Variants in ANKRD11 observed in about 807,000 individuals in gnomAD.
The protein encoded by ANKRD11 is ankyrin repeat domain-containing protein 11.
ANKRD11 carries 17 observed loss-of-function variants against 195.7 expected under a neutral mutation model. That is an observed-to-expected ratio of 0.09 (90% CI 0.06 to 0.13). The LOEUF is 0.13. Among genes scored for constraint, ANKRD11 ranks in the 10% least tolerant of loss-of-function variants. The pLI, the probability that ANKRD11 is intolerant of heterozygous loss-of-function variation, is 1.00. For missense variants in ANKRD11, 3,735 were observed against 3,566.1 expected, an observed-to-expected ratio of 1.05 and a Z score of -1.21; for synonymous variants, 1,953 against 1,528.1, an observed-to-expected ratio of 1.28 and a Z score of -6.49.
intron 1 of ANKRD11, among the ~76,000 whole-genome samples, chr16:89,465,611 T>C (rs1386112429): frequency 6.6e-6 from 1 of 152,210 alleles, no homozygotes; most frequent in Non-Finnish European, 1.5e-5. Context: ...GTCGCTTCTG[T>C]GTGTCCACCA....
rs528289650 is a variant in ANKRD11, at chr16:89,299,236, C to A, written c.226+5970G>T. On this transcript the variant is annotated intron_variant, in intron 4 of 12. Transcript: ENST00000301030. ...GGAGATAGTGTGGAAGTGACTGTGGCTCTGGTCCTGCCTGGGAGGAGATCT... is the reference window on the plus strand; with the variant it reads ...GGAGATAGTGTGGAAGTGACTGTGGATCTGGTCCTGCCTGGGAGGAGATCT... 3.4e-5 allele frequency: 6 copies of A among 174,438 alleles called. No homozygotes were observed. In the South Asian group the frequency reaches 6.0e-4, roughly 17 times the overall value. The allele number at this position is 174,438 out of a possible 1,614,324, so 10.8% of individuals were successfully genotyped here.
rs1165525370 is a variant in ANKRD11, at chr16:89,305,349, A to G, written c.88-5T>C. 8 of 1,613,936 alleles carry G rather than the reference A, an allele frequency of 5.0e-6. No homozygotes were observed. Among genetic ancestry groups the G allele is most frequent in the Non-Finnish European group, 6.8e-6 (8 of 1,179,898 alleles). ...TAGAGAAACTTTATCTTTATCCTAG[A>G]AAAGAAAGGGATGCTTTCAGTCGTG... is the stretch of plus-strand genomic sequence containing the variant. On this transcript the variant is annotated splice_polypyrimidine_tract_variant and splice_region_variant and intron_variant, in intron 3 of 12. Transcript: ENST00000301030.
chr16:89,282,376 G>A lies in ANKRD11; in HGVS notation c.4166C>T (p.Ser1389Phe), dbSNP rs758148858. 37 of 1,614,104 alleles carry A rather than the reference G, an allele frequency of 2.3e-5. No individual in the cohort carries two copies. Among genetic ancestry groups the A allele is most frequent in the Non-Finnish European group, 3.1e-5 (37 of 1,180,022 alleles). ...DYKEGGSRKD[S>F]GQYEKDFLEA... is the part of the protein sequence containing the mutation. ...CAGGAAGTCCTTTTCGTACTGGCCG[G>A]AGTCCTTCCTGCTACCGCCCTCCTT... is the stretch of plus-strand genomic sequence containing the variant. The change falls in exon 9 of 13, where the codon TCC becomes TTC. Residue 1389 changes from serine (S) to phenylalanine (F), a missense_variant. Physicochemically the swap from Ser to Phe is radical, Grantham distance 155 (BLOSUM62 -2). Coordinates refer to ENST00000301030, the MANE Select transcript of ANKRD11 (RefSeq NM_013275.6).
chr16:89,305,503 G>A (rs574824221), intron 3 of ANKRD11, among the ~76,000 whole-genome samples, 159 bp from the exon 4 acceptor site: 15 of 152,222 alleles, frequency 9.9e-5, no homozygotes, highest in Non-Finnish European at 1.8e-4. Context: ...GTCACCGACC[G>A]CAGAACCTTC....
intron 2 of ANKRD11, among the ~76,000 whole-genome samples, chr16:89,327,320 C>T (rs752091806): frequency 7.9e-5 from 12 of 152,078 alleles, no homozygotes; most frequent in African/African-American, 1.4e-4. Context: ...ATCCTCAACA[C>T]GATAAAGGCC....
At chr16:89,464,634 G>GAAAAAGAA (rs1320583563) in intron 1 of ANKRD11, among the ~76,000 whole-genome samples, 6 of 146,590 alleles carry the variant, frequency 4.1e-5, no homozygotes, top group African/African-American at 1.3e-4. Flanking sequence ...GAAAAGAAAA[G>GAAAAAGAA]AAAAAGAAAA....
At chr16:89,480,599 T>C (rs2057413835) in intron 1 of ANKRD11, among the ~76,000 whole-genome samples, 1 of 152,142 alleles carries the variant, frequency 6.6e-6, no homozygotes, top group Non-Finnish European at 1.5e-5. Flanking sequence ...AAGATGAGCC[T>C]AACCATGTAT....
chr16:89,420,645 T>A (rs544890573), intron 1 of ANKRD11, among the ~76,000 whole-genome samples: 18 of 152,314 alleles, frequency 1.2e-4, no homozygotes, highest in African/African-American at 4.3e-4. Context: ...TGACAGACAA[T>A]CTCAGTAACT....
In ANKRD11 at chr16:89,281,484, T is replaced by C. The variant is rs759616625; in HGVS notation, c.5058A>G (p.Lys1686=). The part of the protein sequence containing the change: ...SKDWLAGPHM[K]EVLPASPRPD... ...GCCTGGGGGACGCAGGCAGGACCTC[T>C]TTCATGTGAGGGCCTGCCAGCCAGT... Residue 1686 remains lysine, a synonymous_variant, in exon 9 of 13, where the codon AAA becomes AAG. Coordinates refer to ENST00000301030, the MANE Select transcript of ANKRD11 (RefSeq NM_013275.6). This position sits in a 1 kb window ranked among gnomAD's most constrained non-coding sequence, Gnocchi z 5.5. 6.2e-7 allele frequency: 1 copy of C among 1,614,212 alleles called. No homozygotes were observed. The highest frequency in any genetic ancestry group is 8.5e-7 in the Non-Finnish European group (1 of 1,180,026).
intron 1 of ANKRD11, among the ~76,000 whole-genome samples, chr16:89,453,757 A>G (rs1441793895): frequency 6.6e-6 from 1 of 152,184 alleles, no homozygotes; most frequent in East Asian, 1.9e-4. Flanking sequence ...TGACCTGTCC[A>G]AGAAGAAGAA....
At chr16:89,453,202 G>A (rs571295292) in intron 1 of ANKRD11, among the ~76,000 whole-genome samples, 1 of 152,258 alleles carries the variant, frequency 6.6e-6, no homozygotes, top group Admixed American at 6.5e-5. Flanking sequence ...GCCCTTCAGG[G>A]ATTAAGTGCA....
chr16:89,337,736 G>A (rs779483434), intron 2 of ANKRD11, among the ~76,000 whole-genome samples: 20 of 152,094 alleles, frequency 1.3e-4, no homozygotes, highest in African/African-American at 2.7e-4. Flanking sequence ...CACTGTGCCC[G>A]GCCTGGTCTA....
intron 12 of ANKRD11, among the ~76,000 whole-genome samples, chr16:89,269,752 T>C (rs2032973145): frequency 6.6e-6 from 1 of 152,072 alleles, no homozygotes; most frequent in Admixed American, 6.6e-5. Flanking sequence ...CGCACCACCA[T>C]GCCCAGCTAA....
At chr16:89,411,210 C>T (rs966227122) in intron 2 of ANKRD11, among the ~76,000 whole-genome samples, 12 of 152,262 alleles carry the variant, frequency 7.9e-5, no homozygotes, top group Non-Finnish European at 1.8e-4. Flanking sequence ...CACCACATCC[C>T]CTCTCGTGTG....
At position 89,459,647 on chromosome 16, in the gene ANKRD11, G is replaced by A. The variant is rs1013085799; in HGVS notation, c.-145+30598C>T. Among the ~76,000 whole-genome samples the A allele has an allele frequency of 4.6e-5, 7 of 152,064 alleles. 1 individual carries two copies. The highest frequency in any genetic ancestry group is 1.7e-4 in the African/African-American group (7 of 41,398). ...TTCAGTATTTATCAAACAACTGATCGTGTTCTATAAAAAGGTTTAAAAAAA... is the reference window on the plus strand; with the variant it reads ...TTCAGTATTTATCAAACAACTGATCATGTTCTATAAAAAGGTTTAAAAAAA... On this transcript the variant is annotated intron_variant, in intron 1 of 12. Coordinates refer to ENST00000301030, the MANE Select transcript of ANKRD11 (RefSeq NM_013275.6).
chr16:89,441,259 A>G (rs1408692624), intron 1 of ANKRD11, among the ~76,000 whole-genome samples: 1 of 151,906 alleles, frequency 6.6e-6, no homozygotes, highest in Admixed American at 6.6e-5. Context: ...TTTCCTCGCT[A>G]TGCATGCGCT....
rs546950656 is a variant in ANKRD11 at position 89,327,883 on chromosome 16, A to G, written c.-59-10805T>C. Among the ~76,000 whole-genome samples, 6 of 152,360 alleles carry G rather than the reference A, an allele frequency of 3.9e-5. No individual in the cohort carries two copies. In the South Asian group the frequency reaches 8.3e-4, roughly 21 times the overall value. Reference sequence around the variant, plus strand: ...ACAATCCATAAAAGAAAAAACTGATAAACGACCTCGACAAAATTAAAAACT... The same window carrying G: ...ACAATCCATAAAAGAAAAAACTGATGAACGACCTCGACAAAATTAAAAACT... On this transcript the variant is annotated intron_variant, in intron 2 of 12. Coordinates refer to ENST00000301030, the MANE Select transcript of ANKRD11 (RefSeq NM_013275.6).
At chr16:89,288,910 C>A in intron 6 of ANKRD11, 1 of 606,004 alleles carries the variant, frequency 1.7e-6, no homozygotes, top group Non-Finnish European at 2.9e-6. Context: ...GACTGACAAC[C>A]TGCAGGGCTA....
chr16:89,314,078 G>A (rs1037212222), intron 3 of ANKRD11, among the ~76,000 whole-genome samples: 1 of 152,168 alleles, frequency 6.6e-6, no homozygotes, highest in Non-Finnish European at 1.5e-5. Context: ...ACAAAAATGA[G>A]CCGGGTGTAG....
Sources: gnomAD v4.1 joint callset for allele counts (sites outside exome capture counted in the v4.1 genomes callset) on GRCh38, gnomAD v4.1.1 for gene constraint, Gnocchi (gnomAD v3.1) non-coding constraint, MANE v1.5 for transcripts, NCBI Gene and HGNC (gene_info 2026-07-23, HGNC 2026-07-21) for gene names.